UBE2W: variants seen among roughly 807,000 people sequenced by gnomAD.
The protein encoded by UBE2W is ubiquitin conjugating enzyme E2 W.
A neutral mutation model predicts 27.2 loss-of-function variants in UBE2W; 18 were observed. The observed-to-expected ratio is 0.66, with a 90% CI of 0.46 to 0.98. The LOEUF is 0.98. Ranked by LOEUF, UBE2W falls within the 50% of genes least tolerant of loss-of-function variation. UBE2W has a pLI of 0.00. For synonymous variants in UBE2W, 53 were observed against 57.2 expected (o/e 0.93, Z 0.33); for missense variants, 90 against 180.2 (o/e 0.50, Z 2.87).
At chr8:73,807,801 A>T (rs995017771) in intron 4 of UBE2W, among the ~76,000 whole-genome samples, 3 of 152,222 alleles carry the variant, frequency 2.0e-5, no homozygotes, top group Admixed American at 2.0e-4. Flanking sequence ...CTATTTGCTT[A>T]AATCATTTAT....
chr8:73,817,345 T>C (rs993867817), intron 3 of UBE2W, among the ~76,000 whole-genome samples: 2 of 151,994 alleles, frequency 1.3e-5, no homozygotes, highest in African/African-American at 4.8e-5. Context: ...ATAATGATAA[T>C]TAATAAATCA....
At chr8:73,818,478 C>T (rs1412076787) in intron 3 of UBE2W, among the ~76,000 whole-genome samples, 1 of 152,186 alleles carries the variant, frequency 6.6e-6, no homozygotes, top group Admixed American at 6.5e-5. Context: ...CTGCTCAAAA[C>T]CTTCCAAAGG....
In UBE2W at chr8:73,855,375, C is replaced by G. The variant is rs118190650; in HGVS notation, c.15+23433G>C. Among the ~76,000 whole-genome samples the G allele has an allele frequency of 1.5e-3, 221 of 143,768 alleles. 1 individual carries two copies. In the East Asian group the frequency reaches 0.019, roughly 12 times the overall value. 94.3% of individuals were successfully genotyped at this position (143,768 alleles called of 152,430 possible). On this transcript the variant is annotated intron_variant, in intron 1 of 5. Coordinates refer to ENST00000602593, the MANE Select transcript of UBE2W (RefSeq NM_018299.6). ...TTGATGCAGTTATGATTTGATACTT[C>G]ATCTTTATATTCTACTTTCTTTTTT...
At chr8:73,844,555 T>C (rs1442976998) in intron 1 of UBE2W, among the ~76,000 whole-genome samples, 2 of 152,158 alleles carry the variant, frequency 1.3e-5, no homozygotes, top group African/African-American at 4.8e-5. Context: ...TTGCAGCCTC[T>C]GCCCGGCCGC....
rs570257799 is a variant in UBE2W, at chr8:73,842,390, G to A, written c.16-11918C>T. On this transcript the variant is annotated intron_variant, in intron 1 of 5. Coordinates refer to ENST00000602593, the MANE Select transcript of UBE2W (RefSeq NM_018299.6). The stretch of plus-strand genomic sequence containing the variant: ...TAAAAATACAAAAAATGAGCCGGGC[G>A]TGGTGGCGGGCGCCTGTAGTCCCAG... 4.0e-3 allele frequency among the ~76,000 whole-genome samples: 611 copies of A among 151,748 alleles called. 7 individuals carry two copies. Among genetic ancestry groups the A allele is most frequent in the African/African-American group, 0.014 (583 of 41,358 alleles).
chr8:73,853,663 T>C (rs1811168783), intron 1 of UBE2W, among the ~76,000 whole-genome samples: 1 of 152,142 alleles, frequency 6.6e-6, no homozygotes, highest in Non-Finnish European at 1.5e-5. Context: ...ATCTTCATAA[T>C]TAAATACCTC....
At chr8:73,855,298 T>C (rs192466166) in intron 1 of UBE2W, among the ~76,000 whole-genome samples, 120 of 152,244 alleles carry the variant, frequency 7.9e-4, no homozygotes, top group Non-Finnish European at 2.6e-4. Context: ...GTTAAGTGGA[T>C]ATTCCCAACA....
chr8:73,803,846 G>A (rs1165149158), intron 5 of UBE2W, among the ~76,000 whole-genome samples: 1 of 149,438 alleles, frequency 6.7e-6, no homozygotes, highest in Non-Finnish European at 1.5e-5. Flanking sequence ...CGCTCACTAT[G>A]AGCTCCGCCT....
downstream of UBE2W, among the ~76,000 whole-genome samples, chr8:73,783,460 T>A (rs1807878544): frequency 6.6e-6 from 1 of 152,252 alleles, no homozygotes; most frequent in Non-Finnish European, 1.5e-5. Context: ...GAGTATTGCT[T>A]CACCCACAAG....
chr8:73,802,437 T>C (rs975671882), intron 5 of UBE2W, among the ~76,000 whole-genome samples: 7 of 151,978 alleles, frequency 4.6e-5, no homozygotes, highest in Non-Finnish European at 8.8e-5. Flanking sequence ...TTCAAAATTT[T>C]TTCAAACTTT....
chr8:73,786,588 G>A lies in UBE2W; in HGVS notation c.*7514C>T. On this transcript the variant is annotated 3_prime_UTR_variant, in exon 6 of 6. Coordinates refer to ENST00000602593, the MANE Select transcript of UBE2W (RefSeq NM_018299.6). ...AGCTACCTTTGAACTAGACCTTTCA[G>A]GTAGAAACGCAGATCATGAACATTC... 1 of 985,442 alleles carries A rather than the reference G, an allele frequency of 1.0e-6. No individual in the cohort carries two copies. The allele number at this position is 985,442 out of a possible 1,614,324, so 61.0% of individuals were successfully genotyped here.
intron 3 of UBE2W, among the ~76,000 whole-genome samples, chr8:73,822,559 T>C (rs1809658887): frequency 7.4e-6 from 1 of 134,936 alleles, no homozygotes; most frequent in Non-Finnish European, 1.5e-5. Context: ...TCCCCTCCCT[T>C]TGTATGGGAG....
At chr8:73,860,719 G>A (rs1056062274) in intron 1 of UBE2W, among the ~76,000 whole-genome samples, 1 of 152,136 alleles carries the variant, frequency 6.6e-6, no homozygotes, top group Non-Finnish European at 1.5e-5. Context: ...CAGGAAGAAA[G>A]TTCAAAGAGT....
chr8:73,827,146 A>C (rs1809873975), intron 2 of UBE2W, among the ~76,000 whole-genome samples: 1 of 152,248 alleles, frequency 6.6e-6, no homozygotes, highest in Non-Finnish European at 1.5e-5. Context: ...CAATCCTTGT[A>C]ATATCTGCAT....
At chr8:73,876,446 G>C (rs1236043993) in intron 1 of UBE2W, among the ~76,000 whole-genome samples, 1 of 151,974 alleles carries the variant, frequency 6.6e-6, no homozygotes, top group African/African-American at 2.4e-5. Flanking sequence ...ATCTGCACTA[G>C]ATATTTTAAA....
intron 3 of UBE2W, among the ~76,000 whole-genome samples, chr8:73,811,408 T>C (rs1461748891): frequency 6.6e-6 from 1 of 152,170 alleles, no homozygotes; most frequent in Non-Finnish European, 1.5e-5. Context: ...CTTATTTACC[T>C]AAGCAAATAG....
rs1807968651 is a variant in UBE2W, at chr8:73,786,669, G to T, written c.*7433C>A. On this transcript the variant is annotated 3_prime_UTR_variant, in exon 6 of 6. Transcript: ENST00000602593. ...GGAAGCTTGCATTGCTACTGCTTAT[G>T]AAACAAGGTTTGTGGACAGCTGAAG... 1 of 985,470 alleles carries T rather than the reference G, an allele frequency of 1.0e-6. No individual in the cohort carries two copies. Among genetic ancestry groups the T allele is most frequent in the Non-Finnish European group, 1.2e-6 (1 of 829,952 alleles). The allele number at this position is 985,470 out of a possible 1,614,324, so 61.0% of individuals were successfully genotyped here. A position where few individuals can be genotyped will look rare whatever the true frequency, so the allele number is the denominator to read the frequency against.
At chr8:73,812,594 CT>C (rs1431332321) in intron 3 of UBE2W, among the ~76,000 whole-genome samples, 1 of 152,194 alleles carries the variant, frequency 6.6e-6, no homozygotes, top group Non-Finnish European at 1.5e-5. Flanking sequence ...GTTTACAAAT[CT>C]TACGGACATC....
At chr8:73,869,071 GC>G (rs1233891350) in intron 1 of UBE2W, among the ~76,000 whole-genome samples, 1 of 152,136 alleles carries the variant, frequency 6.6e-6, no homozygotes, top group Non-Finnish European at 1.5e-5. Context: ...CAAAAAATGG[GC>G]CATTACTTGG....
Sources: allele counts gnomAD v4.1 joint callset (sites outside exome capture counted in the v4.1 genomes callset), GRCh38; gene constraint gnomAD v4.1.1; transcripts MANE v1.5; gene names NCBI Gene and HGNC (gene_info 2026-07-23, HGNC 2026-07-21).